VWA3B: variants seen among roughly 807,000 people sequenced by gnomAD.
VWA3B encodes von Willebrand factor A domain-containing protein 3B.
A neutral mutation model predicts 158.3 loss-of-function variants in VWA3B; 138 were observed. The observed-to-expected ratio is 0.87, with a 90% CI of 0.76 to 1.00. The LOEUF (loss-of-function observed/expected upper bound fraction) is 1.00, where lower values mean the gene tolerates loss of function less well. Ranked by LOEUF, VWA3B falls within the 50% of genes least tolerant of loss-of-function variation. VWA3B has a pLI of 0.00. For synonymous variants in VWA3B, 596 were observed against 587.3 expected (o/e 1.01, Z -0.21); for missense variants, 1,555 against 1,565.1 (o/e 0.99, Z 0.11).
rs1262228537 is a variant in VWA3B, at chr2:98,128,326, C to G, written c.790C>G (p.Pro264Ala). 6.2e-7 allele frequency: 1 copy of G among 1,614,040 alleles called. No homozygotes were observed. Among genetic ancestry groups the G allele is most frequent in the South Asian group, 1.1e-5 (1 of 91,074 alleles). ...CCAGAGGGCCTTGGAGATCCCGTGTCCAGTCTACACAGTGTCCTTCAACGC... is the reference window on the plus strand; with the variant it reads ...CCAGAGGGCCTTGGAGATCCCGTGTGCAGTCTACACAGTGTCCTTCAACGC... ...LLQRALEIPC[P>A]VYTVSFNARG... The change falls in exon 6 of 28, where the codon CCA becomes GCA. Residue 264 changes from proline (P) to alanine (A), a missense_variant. Pro to Ala is a conservative substitution (Grantham distance 27). Transcript: ENST00000477737.
intron 1 of VWA3B, among the ~76,000 whole-genome samples, chr2:98,089,021 C>G (rs1465724976): frequency 6.6e-6 from 1 of 151,998 alleles, no homozygotes; most frequent in Non-Finnish European, 1.5e-5. Context: ...CCCAAAGTGC[C>G]AAGAGAGCAC....
intron 22 of VWA3B, among the ~76,000 whole-genome samples, 156 bp from the exon 23 acceptor site, chr2:98,290,355 A>T (rs1689412915): frequency 6.6e-6 from 1 of 152,186 alleles, no homozygotes; most frequent in South Asian, 2.1e-4. Flanking sequence ...GCCACCTCCC[A>T]CCAGGCCCCA....
At chr2:98,248,633 T>C (rs1403796237) in intron 19 of VWA3B, among the ~76,000 whole-genome samples, 1 of 152,128 alleles carries the variant, frequency 6.6e-6, no homozygotes, top group Non-Finnish European at 1.5e-5. Context: ...TAGGCCTTTG[T>C]TTTTCAGAAC....
chr2:98,176,589 A>T (rs561603485), intron 8 of VWA3B, among the ~76,000 whole-genome samples: 7 of 151,076 alleles, frequency 4.6e-5, no homozygotes, highest in African/African-American at 1.7e-4. Flanking sequence ...ACCACTCCCC[A>T]TGTGGTGGCC....
chr2:98,230,513 G>A (rs1685264742), intron 16 of VWA3B, among the ~76,000 whole-genome samples: 1 of 152,112 alleles, frequency 6.6e-6, no homozygotes, highest in Admixed American at 6.5e-5. Context: ...GAGTGTGTGT[G>A]TGTATGTGTG....
At chr2:98,298,108 T>C in intron 24 of VWA3B, 77 bp downstream of exon 24, 3 of 1,354,272 alleles carry the variant, frequency 2.2e-6, no homozygotes, top group East Asian at 2.8e-5. Flanking sequence ...CCAAGGCCAC[T>C]GTTTGGCCCT....
At chr2:98,237,139 GCATTCCAGC>G (rs1685756137) in intron 19 of VWA3B, among the ~76,000 whole-genome samples, 1 of 152,228 alleles carries the variant, frequency 6.6e-6, no homozygotes, top group Admixed American at 6.5e-5. Flanking sequence ...TTGCGTCACC[GCATTCCAGC>G]CTGGGTGACA....
intron 19 of VWA3B, chr2:98,242,240 G>C (rs1223450967): frequency 2.2e-6 from 1 of 456,206 alleles, no homozygotes; most frequent in African/African-American, 2.0e-5. Flanking sequence ...GGAACACAAT[G>C]CTGTTTTGGT....
intron 7 of VWA3B, among the ~76,000 whole-genome samples, chr2:98,160,679 A>C (rs1342723207): frequency 6.6e-6 from 1 of 152,222 alleles, no homozygotes; most frequent in Non-Finnish European, 1.5e-5. Context: ...GGCTGAAGCA[A>C]GCAGCTGGCA....
chr2:98,264,580 A>AT (rs1687676759), intron 21 of VWA3B, among the ~76,000 whole-genome samples: 1 of 152,058 alleles, frequency 6.6e-6, no homozygotes, highest in African/African-American at 2.4e-5. Context: ...TTCAGAAAAA[A>AT]TACTTTGCTT....
chr2:98,109,897 G>A (rs1002777631), intron 2 of VWA3B, among the ~76,000 whole-genome samples: 1 of 150,156 alleles, frequency 6.7e-6, no homozygotes, highest in Non-Finnish European at 1.5e-5. Flanking sequence ...TTTCCCTATT[G>A]ATATATGCTT....
At chr2:98,187,618 A>T (rs1464941184) in intron 9 of VWA3B, among the ~76,000 whole-genome samples, 1 of 149,490 alleles carries the variant, frequency 6.7e-6, no homozygotes, top group Non-Finnish European at 1.5e-5. Flanking sequence ...AATTCTCCAC[A>T]TTGCTATGTC....
chr2:98,235,063 A>AT (rs1685588018), intron 17 of VWA3B, among the ~76,000 whole-genome samples: 2 of 151,594 alleles, frequency 1.3e-5, no homozygotes, highest in Middle Eastern at 3.4e-3. Context: ...TTCATAGTTG[A>AT]TTTTTTTTCT....
chr2:98,127,101 G>T (rs1253351176), intron 5 of VWA3B, among the ~76,000 whole-genome samples: 1 of 152,126 alleles, frequency 6.6e-6, no homozygotes, highest in Non-Finnish European at 1.5e-5. Context: ...CTAAAGGGAT[G>T]GTGACATCTA....
intron 21 of VWA3B, 114 bp downstream of exon 21, chr2:98,256,288 G>A: frequency 8.5e-7 from 1 of 1,179,664 alleles, no homozygotes; most frequent in Non-Finnish European, 1.2e-6. Flanking sequence ...AAAATGTTCT[G>A]CAAACCACTA....
chr2:98,126,943 A>C (rs892085373), intron 5 of VWA3B, among the ~76,000 whole-genome samples: 5 of 144,936 alleles, frequency 3.4e-5, no homozygotes, highest in African/African-American at 1.3e-4. Context: ...CACCCCAACC[A>C]ACTAGAAATC....
intron 5 of VWA3B, among the ~76,000 whole-genome samples, chr2:98,123,157 C>T (rs569051384): frequency 2.2e-4 from 33 of 152,294 alleles, no homozygotes; most frequent in African/African-American, 7.7e-4. Context: ...CCCATCCCAG[C>T]GAGTTCTGAA....
Position 98,236,655 on chromosome 2 carries a change from A to G in VWA3B, c.2598A>G (p.Ser866=). 2 of 1,614,236 alleles carry G rather than the reference A, an allele frequency of 1.2e-6. 1 individual carries two copies. Among genetic ancestry groups the G allele is most frequent in the Non-Finnish European group, 1.7e-6 (2 of 1,180,044 alleles). The change falls in exon 19 of 28, where the codon TCA becomes TCG. Residue 866 remains serine, a synonymous_variant. Transcript: ENST00000477737. ...AKKLTLMDAL[S]VAAVPHSSTY... is the part of the protein sequence containing the mutation. Reference sequence around the variant, plus strand: ...AACTCACCCTCATGGATGCCTTGTCAGTGGCAGCAGTCCCGCACAGCTCCA... The same window carrying G: ...AACTCACCCTCATGGATGCCTTGTCGGTGGCAGCAGTCCCGCACAGCTCCA...
At chr2:98,212,072 T>A (rs1683576357) in intron 13 of VWA3B, 44 bp downstream of exon 13, 1 of 1,562,960 alleles carries the variant, frequency 6.4e-7, no homozygotes, top group African/African-American at 1.4e-5. Context: ...ACTGATGCTC[T>A]GAAAGCAAAT....
Sources: gnomAD v4.1 joint callset for allele counts (sites outside exome capture counted in the v4.1 genomes callset) on GRCh38, gnomAD v4.1.1 for gene constraint, MANE v1.5 for transcripts, NCBI Gene and HGNC (gene_info 2026-07-23, HGNC 2026-07-21) for gene names.